Variants in DERA observed in about 807,000 individuals in gnomAD.
DERA encodes 2-deoxy-D-ribose 5-phosphate aldolase.
DERA carries 15 observed loss-of-function variants against 41.1 expected under a neutral mutation model. The observed-to-expected ratio is 0.37, with a 90% CI of 0.24 to 0.56. The LOEUF is 0.56. DERA is among the 20% of genes least tolerant of loss of function. The pLI, the probability that DERA is intolerant of heterozygous loss-of-function variation, is 0.81. For synonymous variants in DERA, 139 were observed against 137.4 expected, an observed-to-expected ratio of 1.01 and a Z score of -0.08; for missense variants, 396 against 403.4, an observed-to-expected ratio of 0.98 and a Z score of 0.16.
chr12:16,017,640 T>C lies in DERA; in HGVS notation c.638-14902T>C, dbSNP rs10846267. Among the ~76,000 whole-genome samples the C allele has an allele frequency of 0.05, 7,603 of 152,278 alleles. 598 individuals carry two copies. Among genetic ancestry groups the C allele is most frequent in the East Asian group, 0.41 (2,107 of 5,160 alleles). On this transcript the variant is annotated intron_variant, in intron 6 of 8. Coordinates refer to ENST00000428559, the MANE Select transcript of DERA (RefSeq NM_015954.4). The surrounding 1 kb of genome is among the most constrained non-coding windows in gnomAD (Gnocchi z 5.5). ...CCCTAAGTGATTTCCAAACCTATGT[T>C]GAACAAAAGAATACAATATTGAAGA...
chr12:15,954,074 C>T lies in DERA; in HGVS notation c.32-2862C>T, dbSNP rs1948519340. ...TCTGGCAAGAGGTTTCTGAGAAGTG[C>T]AAGAGCAGACCTTGTGAGTTCTAAC... On this transcript the variant is annotated intron_variant, in intron 1 of 8. Coordinates refer to ENST00000428559, the MANE Select transcript of DERA (RefSeq NM_015954.4). The surrounding 1 kb of genome is among the most constrained non-coding windows in gnomAD (Gnocchi z 4.0). Among the ~76,000 whole-genome samples the T allele has an allele frequency of 6.6e-6, 1 of 152,162 alleles. No homozygotes were observed. Among genetic ancestry groups the T allele is most frequent in the Admixed American group, 6.5e-5 (1 of 15,280 alleles).
At position 15,949,744 on chromosome 12, in the gene DERA, C is replaced by T. The variant is rs568939241; in HGVS notation, c.32-7192C>T. On this transcript the variant is annotated intron_variant, in intron 1 of 8. Coordinates refer to ENST00000428559, the MANE Select transcript of DERA (RefSeq NM_015954.4). ...CCGACAAGCCCCAGTGAGATGAACC[C>T]GGTACCTCAGTTGGAAATGCAGAAA... Among the ~76,000 whole-genome samples, 187 of 152,300 alleles carry T rather than the reference C, an allele frequency of 1.2e-3. 1 individual carries two copies. Among genetic ancestry groups the T allele is most frequent in the African/African-American group, 3.5e-3 (146 of 41,552 alleles).
Position 16,003,674 on chromosome 12 carries a change from T to C in DERA, c.637+21238T>C, listed in dbSNP as rs780712466. 6.6e-6 allele frequency among the ~76,000 whole-genome samples: 1 copy of C among 152,076 alleles called. No homozygotes were observed. Among genetic ancestry groups the C allele is most frequent in the Non-Finnish European group, 1.5e-5 (1 of 68,020 alleles). On this transcript the variant is annotated intron_variant, in intron 6 of 8. Transcript: ENST00000428559. The surrounding 1 kb of genome is among the most constrained non-coding windows in gnomAD (Gnocchi z 4.8). ...AGAAAAACAGGTGAGTTTGCATTTG[T>C]TGGGGGAGCGCCAGGAAACAAGAGT...
chr12:15,939,626 T>G (rs1948395318), intron 1 of DERA, among the ~76,000 whole-genome samples: 1 of 152,154 alleles, frequency 6.6e-6, no homozygotes, highest in African/African-American at 2.4e-5. Flanking sequence ...ATTTAATATT[T>G]TTTTAAATAA....
At chr12:15,986,526 T>G (rs1212028953) in intron 6 of DERA, among the ~76,000 whole-genome samples, 19 of 152,210 alleles carry the variant, frequency 1.2e-4, no homozygotes, top group Admixed American at 1.2e-3. Context: ...ATGTGCATCC[T>G]TAATTTTTCA....
chr12:15,982,579 C>T lies in DERA; in HGVS notation c.637+143C>T. ...GGAGGAATCGGATATTTTGTAAAAA[C>T]ATGTTCAATGTGAAGTGGTCAAAAA... On this transcript the variant is annotated intron_variant, in intron 6 of 8. Transcript: ENST00000428559. The surrounding 1 kb of genome is among the most constrained non-coding windows in gnomAD (Gnocchi z 4.0). The T allele has an allele frequency of 1.1e-6, 1 of 900,752 alleles. No individual in the cohort carries two copies. The allele number at this position is 900,752 out of a possible 1,614,324, so 55.8% of individuals were successfully genotyped here. A position where few individuals can be genotyped will look rare whatever the true frequency, so the allele number is the denominator to read the frequency against.
chr12:16,016,195 C>T (rs1240689475), intron 6 of DERA, among the ~76,000 whole-genome samples: 1 of 152,162 alleles, frequency 6.6e-6, no homozygotes, highest in East Asian at 1.9e-4. Flanking sequence ...AGTGCTTCAA[C>T]CATAACACTG....
In DERA at chr12:15,915,285, A is replaced by G. The variant is rs1377492866; in HGVS notation, c.31+3871A>G. 6.6e-6 allele frequency among the ~76,000 whole-genome samples: 1 copy of G among 152,192 alleles called. No homozygotes were observed. The highest frequency in any genetic ancestry group is 1.5e-5 in the Non-Finnish European group (1 of 68,024). On this transcript the variant is annotated intron_variant, in intron 1 of 8. Transcript: ENST00000428559. The surrounding 1 kb of genome is among the most constrained non-coding windows in gnomAD (Gnocchi z 4.8). ...CAGAATGTCCTGGGCCTTTTGCATTATAATTTTTAATTTCCTTTTAAAAGA... is the reference window on the plus strand; with the variant it reads ...CAGAATGTCCTGGGCCTTTTGCATTGTAATTTTTAATTTCCTTTTAAAAGA...
chr12:15,977,887 A>G (rs118185618), intron 5 of DERA, among the ~76,000 whole-genome samples: 3,080 of 152,312 alleles, frequency 0.02, 55 homozygotes, highest in Non-Finnish European at 0.032. Context: ...GGGATTTCTC[A>G]TCCTTTAGAG....
chr12:15,993,835 G>A lies in DERA; in HGVS notation c.637+11399G>A, dbSNP rs748078695. Among the ~76,000 whole-genome samples, 9 of 152,094 alleles carry A rather than the reference G, an allele frequency of 5.9e-5. No homozygotes were observed. Among genetic ancestry groups the A allele is most frequent in the African/African-American group, 1.9e-4 (8 of 41,402 alleles). The stretch of plus-strand genomic sequence containing the variant: ...AGCTCTGTAGAGGAAAGAAGTTATC[G>A]TATTTTCTGGCTTCCCAGCAATGCA... On this transcript the variant is annotated intron_variant, in intron 6 of 8. Transcript: ENST00000428559. This position sits in a 1 kb window ranked among gnomAD's most constrained non-coding sequence, Gnocchi z 4.4.
In DERA at chr12:15,971,130, A is replaced by G. The variant is rs184250052; in HGVS notation, c.508+8183A>G. 3.9e-5 allele frequency among the ~76,000 whole-genome samples: 6 copies of G among 152,318 alleles called. No individual in the cohort carries two copies. The East Asian group carries it at 1.2e-3, about 29-fold the overall frequency. ...ACTTCAACAGCCCCGGATTAATAAC[A>G]TCTGGAAATTGTTCAGATGACATAA... On this transcript the variant is annotated intron_variant, in intron 5 of 8. Transcript: ENST00000428559.
intron 1 of DERA, among the ~76,000 whole-genome samples, chr12:15,955,145 C>G (rs1948528348): frequency 6.6e-6 from 1 of 151,948 alleles, no homozygotes; most frequent in Admixed American, 6.6e-5. Flanking sequence ...ATTAAAAATA[C>G]AAAAATTAGC....
chr12:15,987,775 A>ACTTCTGCTTGAGTTTTG (rs933571524), intron 6 of DERA, among the ~76,000 whole-genome samples: 1 of 151,830 alleles, frequency 6.6e-6, no homozygotes, highest in African/African-American at 2.4e-5. Context: ...ACCTCCGTGC[A>ACTTCTGCTTGAGTTTTG]CTTCTGCTTG....
rs1332156726 is a variant in DERA at position 15,998,642 on chromosome 12, A to G, written c.637+16206A>G. ...TAACACAGGAAGTCTTTCAACTCACATTTGTAGTTCAGAGATGGCTTAAAG... is the reference window on the plus strand; with the variant it reads ...TAACACAGGAAGTCTTTCAACTCACGTTTGTAGTTCAGAGATGGCTTAAAG... On this transcript the variant is annotated intron_variant, in intron 6 of 8. Coordinates refer to ENST00000428559, the MANE Select transcript of DERA (RefSeq NM_015954.4). This position sits in a 1 kb window ranked among gnomAD's most constrained non-coding sequence, Gnocchi z 4.8. Among the ~76,000 whole-genome samples the G allele has an allele frequency of 1.3e-5, 2 of 152,190 alleles. No individual in the cohort carries two copies. The highest frequency in any genetic ancestry group is 2.9e-5 in the Non-Finnish European group (2 of 68,032).
chr12:15,956,995 C>T lies in DERA; in HGVS notation c.91C>T (p.Gln31Ter). 1.9e-6 allele frequency: 3 copies of T among 1,613,902 alleles called. No homozygotes were observed. The highest frequency in any genetic ancestry group is 1.7e-6 in the Non-Finnish European group (2 of 1,179,852). Residue 31 changes from glutamine (Q) to a stop codon, truncating the protein, a stop_gained, in exon 2 of 9, where the codon CAA becomes TAA. Coordinates refer to ENST00000428559, the MANE Select transcript of DERA (RefSeq NM_015954.4). LOFTEE classifies it high-confidence loss of function. ...CCCGGCAGTTCTGAGGCGTGCGGAA[C>T]AAATCCAGGCTCGCAGAACCGTGAA... ...NHPAVLRRAE[Q>*]IQARRTVKKE...
chr12:16,030,180 C>T (rs1949083121), intron 6 of DERA, among the ~76,000 whole-genome samples: 1 of 151,368 alleles, frequency 6.6e-6, no homozygotes, highest in South Asian at 2.1e-4. Context: ...GATCTGCCAG[C>T]CTCGGCCTCC....
At chr12:15,980,875 C>A (rs183122365) in intron 5 of DERA, among the ~76,000 whole-genome samples, 1 of 152,236 alleles carries the variant, frequency 6.6e-6, no homozygotes, top group Admixed American at 6.5e-5. Flanking sequence ...ATTGAGAAGG[C>A]AAGCTTTATT....
At chr12:15,926,801 T>C (rs991773721) in intron 1 of DERA, among the ~76,000 whole-genome samples, 1 of 147,964 alleles carries the variant, frequency 6.8e-6, no homozygotes, top group Non-Finnish European at 1.5e-5. Flanking sequence ...GTGGGTAAAC[T>C]AACAGGACGA....
rs1201671155 is a variant in DERA, at chr12:16,026,873, G to C, written c.638-5669G>C. On this transcript the variant is annotated intron_variant, in intron 6 of 8. Coordinates refer to ENST00000428559, the MANE Select transcript of DERA (RefSeq NM_015954.4). This position sits in a 1 kb window ranked among gnomAD's most constrained non-coding sequence, Gnocchi z 4.4. Reference sequence around the variant, plus strand: ...ACTGCCAGAAAGAAAACCTATAGATGAACATCTTTAATGAACATACATATA... The same window carrying C: ...ACTGCCAGAAAGAAAACCTATAGATCAACATCTTTAATGAACATACATATA... Among the ~76,000 whole-genome samples, 1 of 151,948 alleles carries C rather than the reference G, an allele frequency of 6.6e-6. No individual in the cohort carries two copies.
Sources: allele counts gnomAD v4.1 joint callset (sites outside exome capture counted in the v4.1 genomes callset), GRCh38; gene constraint gnomAD v4.1.1; non-coding constraint Gnocchi (gnomAD v3.1); transcripts MANE v1.5; gene names NCBI Gene and HGNC (gene_info 2026-07-23, HGNC 2026-07-21).